IST1: variants seen among roughly 807,000 people sequenced by gnomAD.
IST1 encodes IST1 homolog.
A neutral mutation model predicts 37.0 loss-of-function variants in IST1; 23 were observed. That is an observed-to-expected ratio of 0.62 (90% CI 0.45 to 0.88). The LOEUF (loss-of-function observed/expected upper bound fraction) is 0.88, where lower values mean the gene tolerates loss of function less well. Ranked by LOEUF, IST1 falls within the 40% of genes least tolerant of loss-of-function variation. The pLI is 0.00. For missense variants in IST1, 488 were observed against 445.4 expected, an observed-to-expected ratio of 1.10 and a Z score of -0.86; for synonymous variants, 180 against 161.7, an observed-to-expected ratio of 1.11 and a Z score of -0.86.
intron 1 of IST1, among the ~76,000 whole-genome samples, chr16:71,910,605 CA>C (rs200536197): frequency 1.2e-3 from 112 of 91,116 alleles, no homozygotes; most frequent in Middle Eastern, 6.6e-3. Context: ...GACTCTGTCT[CA>C]AAAAAAAAAA....
At chr16:71,926,855 A>C (rs2037756673) in intron 9 of IST1, among the ~76,000 whole-genome samples, 3 of 152,170 alleles carry the variant, frequency 2.0e-5, no homozygotes, top group Non-Finnish European at 4.4e-5. Context: ...CATGATCTTA[A>C]TATAAAATAC....
chr16:71,907,434 C>T (rs375407753), intron 1 of IST1, among the ~76,000 whole-genome samples: 67 of 152,080 alleles, frequency 4.4e-4, no homozygotes, highest in African/African-American at 1.4e-3. Flanking sequence ...CCCGCCACCA[C>T]GCCCGGCTAA....
At chr16:71,903,904 C>G (rs2037163650) in intron 1 of IST1, among the ~76,000 whole-genome samples, 1 of 152,118 alleles carries the variant, frequency 6.6e-6, no homozygotes, top group Non-Finnish European at 1.5e-5. Flanking sequence ...AAGCCTCTAA[C>G]TATAATTAGA....
At chr16:71,926,276 T>C (rs1327637432) in intron 9 of IST1, among the ~76,000 whole-genome samples, 2 of 152,096 alleles carry the variant, frequency 1.3e-5, no homozygotes, top group Non-Finnish European at 2.9e-5. Flanking sequence ...AGTGAGACTT[T>C]GTCTAAAAAG....
intron 7 of IST1, 28 bp downstream of exon 7, chr16:71,922,708 C>G (rs751235094): frequency 5.9e-5 from 53 of 898,892 alleles, no homozygotes; most frequent in Non-Finnish European, 7.7e-5. Context: ...TGGATGTAAG[C>G]TTTAGAAAAT....
upstream of IST1, chr16:71,894,750 G>T: frequency 1.1e-6 from 1 of 869,724 alleles, no homozygotes; most frequent in Non-Finnish European, 1.8e-6. Flanking sequence ...TGTCCAGGCT[G>T]GTCTGCAACT....
chr16:71,903,473 TAA>T (rs1388005016), intron 1 of IST1: 1 of 152,222 alleles, frequency 6.6e-6, no homozygotes, highest in Non-Finnish European at 1.5e-5. Flanking sequence ...TCCCAAATGT[TAA>T]GAGATTTTCT....
At chr16:71,922,864 C>T (rs2037639597) in intron 7 of IST1, 184 bp downstream of exon 7, 1 of 616,960 alleles carries the variant, frequency 1.6e-6, no homozygotes, top group Admixed American at 2.9e-5. Flanking sequence ...TCTAGTTCAG[C>T]TGTAGGAAAA....
intron 1 of IST1, among the ~76,000 whole-genome samples, chr16:71,913,613 G>T (rs536131398): frequency 6.6e-6 from 1 of 152,048 alleles, no homozygotes; most frequent in Non-Finnish European, 1.5e-5. Context: ...CAATCCTCCC[G>T]GCTCAGCCTC....
upstream of IST1, chr16:71,894,858 G>A (rs77249046): frequency 7.4e-4 from 1,126 of 1,531,774 alleles, 8 homozygotes; most frequent in Admixed American, 0.014. Context: ...TAAAAACAAA[G>A]GTAACCAAGG....
intron 4 of IST1, among the ~76,000 whole-genome samples, chr16:71,920,034 C>T (rs375691679): frequency 6.6e-6 from 1 of 152,232 alleles, no homozygotes; most frequent in African/African-American, 2.4e-5. Flanking sequence ...CTGGACCCTA[C>T]TGCTGTGTCC....
At chr16:71,904,123 T>C (rs1252025101) in intron 1 of IST1, among the ~76,000 whole-genome samples, 1 of 152,094 alleles carries the variant, frequency 6.6e-6, no homozygotes, top group Non-Finnish European at 1.5e-5. Context: ...ATTTGTTTGG[T>C]GGTGGTGGTG....
intron 3 of IST1, 26 bp from the exon 4 acceptor site, chr16:71,917,021 T>C: frequency 6.9e-7 from 1 of 1,457,406 alleles, no homozygotes; most frequent in Non-Finnish European, 9.5e-7. Flanking sequence ...TTAAAGAATG[T>C]TATATTAATT....
At chr16:71,917,856 A>AT (rs1303083984) in intron 4 of IST1, among the ~76,000 whole-genome samples, 1 of 151,984 alleles carries the variant, frequency 6.6e-6, no homozygotes, top group Non-Finnish European at 1.5e-5. Flanking sequence ...GAGGATATTA[A>AT]TTATGGTTTA....
intron 1 of IST1, among the ~76,000 whole-genome samples, chr16:71,914,515 A>C (rs751578392): frequency 3.9e-5 from 6 of 152,160 alleles, no homozygotes; most frequent in Non-Finnish European, 8.8e-5. Context: ...TCTCACATAC[A>C]GGTAATCAGT....
In IST1 at chr16:71,927,814, G is replaced by C; in HGVS notation, c.*1G>C. 1.2e-6 allele frequency: 2 copies of C among 1,611,884 alleles called. No individual in the cohort carries two copies. The highest frequency in any genetic ancestry group is 1.1e-5 in the South Asian group (1 of 91,054). On this transcript the variant is annotated 3_prime_UTR_variant, in exon 10 of 10. Coordinates refer to ENST00000378799, the MANE Select transcript of IST1 (RefSeq NM_001270975.2). ...TGAAGAGCTGAAAAAGAAAACATAG[G>C]TCTCTTAAACCAGGCAACTTTCACG...
chr16:71,907,811 T>G (rs1392582501), intron 1 of IST1, among the ~76,000 whole-genome samples: 1 of 152,184 alleles, frequency 6.6e-6, no homozygotes, highest in Non-Finnish European at 1.5e-5. Flanking sequence ...TATTCTAAGA[T>G]TTTGTTTTTA....
At chr16:71,925,011 A>ATTT (rs539063040) in intron 9 of IST1, among the ~76,000 whole-genome samples, 194 bp downstream of exon 9, 4 of 132,334 alleles carry the variant, frequency 3.0e-5, no homozygotes, top group Non-Finnish European at 3.2e-5. Context: ...TAGCTCAGTG[A>ATTT]TTTTTTTTTT....
At position 71,902,246 on chromosome 16, in the gene IST1, T is replaced by C. The variant is rs540929738; in HGVS notation, c.-16+6657T>C. 5.5e-4 allele frequency among the ~76,000 whole-genome samples: 83 copies of C among 152,268 alleles called. 3 individuals carry two copies. In the South Asian group the frequency reaches 0.016, roughly 30 times the overall value. ...GAAGCCACCTGGGCCTGGATTTTCT[T>C]TGGGAATGGTTCTTAATTTTAGATT... is the stretch of plus-strand genomic sequence containing the variant. On this transcript the variant is annotated intron_variant, in intron 1 of 9. Transcript: ENST00000378799.
Sources: allele counts gnomAD v4.1 joint callset (sites outside exome capture counted in the v4.1 genomes callset), GRCh38; gene constraint gnomAD v4.1.1; transcripts MANE v1.5; gene names NCBI Gene and HGNC (gene_info 2026-07-23, HGNC 2026-07-21).